RFX1: variants seen among roughly 807,000 people sequenced by gnomAD.
RFX1 encodes the protein regulatory factor X1.
In RFX1, 42 loss-of-function variants were observed where a neutral mutation model predicts 119.6. The ratio of observed to expected loss-of-function variants is 0.35; its 90% confidence interval spans 0.27 to 0.45. RFX1 has a LOEUF of 0.45. Ranked by LOEUF, RFX1 falls within the 20% of genes least tolerant of loss-of-function variation. The pLI is 1.00. For missense variants in RFX1, 1,118 were observed against 1,368.1 expected, an observed-to-expected ratio of 0.82 and a Z score of 2.88; for synonymous variants, 628 against 618.5, an observed-to-expected ratio of 1.02 and a Z score of -0.23.
In RFX1 at chr19:13,963,934, C is replaced by T. The variant is rs1407974879; in HGVS notation, c.2285G>A (p.Arg762His). 9 of 1,546,772 alleles carry T rather than the reference C, an allele frequency of 5.8e-6. No individual in the cohort carries two copies. Among genetic ancestry groups the T allele is most frequent in the Non-Finnish European group, 7.8e-6 (9 of 1,147,652 alleles). The part of the protein sequence containing the change: ...TSLNHLAQAA[R>H]AVLQNTAQIN... ...CTGTGCGGTGTTCTGCAGCACAGCG[C>T]GCGCCGCCTGCGCCAGGTGGTTGAG... The change falls in exon 17 of 21, where the codon CGC (arginine) becomes CAC (histidine). Residue 762 changes from arginine (R) to histidine (H), a missense_variant. By Grantham distance (29) the Arg-to-His change is conservative. This residue lies in a region of RFX1 where 338 missense variants were observed against 508.9 expected (regional missense o/e 0.66). Coordinates refer to ENST00000254325, the MANE Select transcript of RFX1 (RefSeq NM_002918.5).
chr19:13,973,272 C>G, intron 8 of RFX1, 145 bp from the exon 9 acceptor site: 1 of 651,470 alleles, frequency 1.5e-6, no homozygotes, highest in Non-Finnish European at 2.7e-6. Flanking sequence ...TAGCATTCAT[C>G]TACAACGGAC....
rs1353489231 is a variant in RFX1 at position 14,006,105 on chromosome 19, C to T, written c.-55G>A. 6.6e-6 allele frequency: 1 copy of T among 152,542 alleles called. No individual in the cohort carries two copies. Among genetic ancestry groups the T allele is most frequent in the African/African-American group, 2.4e-5 (1 of 41,572 alleles). 9.4% of individuals were successfully genotyped at this position (152,542 alleles called of 1,614,324 possible). A position where few individuals can be genotyped will look rare whatever the true frequency, so the allele number is the denominator to read the frequency against. Reference sequence around the variant, plus strand: ...CACCCCGGGGCCGCCCTGGTTACCTCCGCTTCTCCCCACTTCTGTCTGCGG... The same window carrying T: ...CACCCCGGGGCCGCCCTGGTTACCTTCGCTTCTCCCCACTTCTGTCTGCGG... On this transcript the variant is annotated splice_region_variant and 5_prime_UTR_variant, in exon 1 of 21. Coordinates refer to ENST00000254325, the MANE Select transcript of RFX1 (RefSeq NM_002918.5).
chr19:13,979,313 A>C, intron 7 of RFX1, 134 bp downstream of exon 7: 1 of 531,934 alleles, frequency 1.9e-6, no homozygotes. Flanking sequence ...GGGGCCGGGA[A>C]AGGGGAAGGA....
Position 13,972,793 on chromosome 19 carries a change from C to T in RFX1, c.1264G>A (p.Gly422Ser), listed in dbSNP as rs756623062. 1.9e-6 allele frequency: 3 copies of T among 1,608,812 alleles called. No individual in the cohort carries two copies. The highest frequency in any genetic ancestry group is 2.2e-5 in the East Asian group (1 of 44,754). Residue 422 changes from glycine (G) to serine (S), a missense_variant, in exon 9 of 21, where the codon GGC becomes AGC. Coordinates refer to ENST00000254325, the MANE Select transcript of RFX1 (RefSeq NM_002918.5). Reference sequence around the variant, plus strand: ...TGAGAGTAAGACTGGCTGGCACTGCCCAGCATGTAGCCGCCTTGGATCACG... The same window carrying T: ...TGAGAGTAAGACTGGCTGGCACTGCTCAGCATGTAGCCGCCTTGGATCACG... ...TYVIQGGYMLGSASQSYSHTT... is the reference protein window; with the variant it reads ...TYVIQGGYMLSSASQSYSHTT...
Position 13,972,879 on chromosome 19 carries a change from C to T in RFX1, c.1178G>A (p.Gly393Glu). The change falls in exon 9 of 21, where the codon GGA (glycine) becomes GAA (glutamate). Residue 393 changes from glycine (G) to glutamate (E), a missense_variant. Transcript: ENST00000254325. The stretch of plus-strand genomic sequence containing the variant: ...GCCACTGCCACCCCCGCCACCGCCT[C>T]CCCCGCCGCCGCCGCCACCACCACT... ...GGSGGGGGGG[G>E]GGGGGGSGST... The T allele has an allele frequency of 1.9e-6, 3 of 1,560,172 alleles. No individual in the cohort carries two copies. Among genetic ancestry groups the T allele is most frequent in the Non-Finnish European group, 1.7e-6 (2 of 1,158,470 alleles).
Position 13,963,289 on chromosome 19 carries a change from C to T in RFX1, c.2571-14G>A. On this transcript the variant is annotated splice_polypyrimidine_tract_variant and intron_variant, in intron 18 of 20. Coordinates refer to ENST00000254325, the MANE Select transcript of RFX1 (RefSeq NM_002918.5). ...ATCACCATGGAGCTGGGGATGGAGA[C>T]GGAGAGGAGACCGTCAGGCCCCGTC... is the stretch of plus-strand genomic sequence containing the variant. 6.2e-7 allele frequency: 1 copy of T among 1,603,952 alleles called. No homozygotes were observed. Among genetic ancestry groups the T allele is most frequent in the Non-Finnish European group, 8.5e-7 (1 of 1,177,774 alleles).
At position 13,994,900 on chromosome 19, in the gene RFX1, A is replaced by G. The variant is rs1344742519; in HGVS notation, c.-52-1005T>C. ...TATATTGAAATATACATACATATAT[A>G]TATATATATATATATATATATATAT... On this transcript the variant is annotated intron_variant, in intron 1 of 20. Transcript: ENST00000254325. Among the ~76,000 whole-genome samples the G allele has an allele frequency of 1.8e-4, 8 of 44,576 alleles. No homozygotes were observed. In the East Asian group the frequency reaches 4.6e-3, roughly 26 times the overall value. The allele number at this position is 44,576 out of a possible 152,430, so 29.2% of individuals were successfully genotyped here.
chr19:13,993,863 A>C lies in RFX1; in HGVS notation c.-20T>G, dbSNP rs376882269. On this transcript the variant is annotated 5_prime_UTR_variant, in exon 2 of 21. Transcript: ENST00000254325. ...TGCCATGCCAACGGTGGGGAAAATG[A>C]TAATAAATAAGGCTTTTTTTTTTTT... 6.7e-7 allele frequency: 1 copy of C among 1,500,696 alleles called. No homozygotes were observed. Among genetic ancestry groups the C allele is most frequent in the East Asian group, 2.5e-5 (1 of 39,620 alleles). The allele number at this position is 1,500,696 out of a possible 1,614,324, so 93.0% of individuals were successfully genotyped here. A position where few individuals can be genotyped will look rare whatever the true frequency, so the allele number is the denominator to read the frequency against.
chr19:13,974,565 G>A (rs1974196909), intron 8 of RFX1, among the ~76,000 whole-genome samples: 1 of 152,190 alleles, frequency 6.6e-6, no homozygotes, highest in African/African-American at 2.4e-5. Context: ...AAGAGGCAGA[G>A]AAGAGTGGGG....
At chr19:13,984,310 G>C (rs1339245516) in intron 2 of RFX1, among the ~76,000 whole-genome samples, 2 of 151,686 alleles carry the variant, frequency 1.3e-5, no homozygotes, top group African/African-American at 4.8e-5. Flanking sequence ...ACAGCAGGGT[G>C]TGCAGGTGGC....
At chr19:13,983,298 GCTGCCACTTCCCCCAGGGA>G (rs1974488495) in intron 3 of RFX1, 28 bp from the exon 4 acceptor site, 1 of 1,522,272 alleles carries the variant, frequency 6.6e-7, no homozygotes, top group African/African-American at 1.4e-5. Flanking sequence ...GAGGAGCTGA[GCTGCCACTTCCCCCAGGGA>G]GGCCTGGCGT....
rs546107056 is a variant in RFX1 at position 13,969,319 on chromosome 19, A to G, written c.1497-425T>C. Among the ~76,000 whole-genome samples the G allele has an allele frequency of 6.6e-6, 1 of 152,158 alleles. No homozygotes were observed. The highest frequency in any genetic ancestry group is 1.5e-5 in the Non-Finnish European group (1 of 68,034). On this transcript the variant is annotated intron_variant, in intron 10 of 20. Coordinates refer to ENST00000254325, the MANE Select transcript of RFX1 (RefSeq NM_002918.5). The surrounding 1 kb of genome is among the most constrained non-coding windows in gnomAD (Gnocchi z 4.5). ...AACCCCGCGTCATCGAGGTACGAGC[A>G]CTGCAGACGGACCAGAACAACTGAA...
At chr19:13,991,860 C>A (rs1568478708) in intron 2 of RFX1, among the ~76,000 whole-genome samples, 1 of 152,086 alleles carries the variant, frequency 6.6e-6, no homozygotes, top group Non-Finnish European at 1.5e-5. Flanking sequence ...TGGGGTCTCA[C>A]CATGTTGGCC....
intron 2 of RFX1, among the ~76,000 whole-genome samples, chr19:13,988,229 G>A (rs1307116074): frequency 6.6e-6 from 1 of 152,062 alleles, no homozygotes; most frequent in Non-Finnish European, 1.5e-5. Context: ...GTTTCATCAT[G>A]TTGGCCAGGC....
chr19:13,980,731 T>TGCATCCTCTCTTGGGTGGGCTC lies in RFX1; in HGVS notation c.622-43_622-42insGAGCCCACCCAAGAGAGGATGC. ...CACAGGAGTGCCGCTGGGGTGGGCT[T>TGCATCCTCTCTTGGGTGGGCTC]GCATCCTCTCTGAGGTGGGCTCACA... On this transcript the variant is annotated intron_variant, in intron 5 of 20. Transcript: ENST00000254325. The surrounding 1 kb of genome is among the most constrained non-coding windows in gnomAD (Gnocchi z 5.1). The TGCATCCTCTCTTGGGTGGGCTC allele has an allele frequency of 3.3e-6, 4 of 1,201,550 alleles. No homozygotes were observed. The highest frequency in any genetic ancestry group is 4.7e-6 in the Non-Finnish European group (4 of 842,372). The allele number at this position is 1,201,550 out of a possible 1,614,324, so 74.4% of individuals were successfully genotyped here.
Position 13,980,810 on chromosome 19 carries a change from TATCCCAACC to T in RFX1, c.622-130_622-122del. 1.7e-6 allele frequency: 1 copy of T among 595,972 alleles called. No homozygotes were observed. The highest frequency in any genetic ancestry group is 2.1e-5 in the South Asian group (1 of 48,642). 36.9% of individuals were successfully genotyped at this position (595,972 alleles called of 1,614,324 possible). A position where few individuals can be genotyped will look rare whatever the true frequency, so the allele number is the denominator to read the frequency against. ...GGGAGGGCGGCAGTCTGTGGGGACC[TATCCCAACC>T]ACCGAGGCTGGTAACTGACCGCGTC... On this transcript the variant is annotated intron_variant, in intron 5 of 20. Transcript: ENST00000254325. The surrounding 1 kb of genome is among the most constrained non-coding windows in gnomAD (Gnocchi z 5.1).
Position 13,983,751 on chromosome 19 carries a change from AC to A in RFX1, c.320-157del, listed in dbSNP as rs530142426. Reference sequence around the variant, plus strand: ...CTTCCCCCTGGCCAGCCCTGACTGCACCCATCAGGGGCCCACGTGGCAGAGC... The same window carrying A: ...CTTCCCCCTGGCCAGCCCTGACTGCACCATCAGGGGCCCACGTGGCAGAGC... On this transcript the variant is annotated intron_variant, in intron 2 of 20. Coordinates refer to ENST00000254325, the MANE Select transcript of RFX1 (RefSeq NM_002918.5). 3.8e-3 allele frequency among the ~76,000 whole-genome samples: 586 copies of A among 152,218 alleles called. 3 individuals are homozygous for A. Among genetic ancestry groups the A allele is most frequent in the African/African-American group, 0.013 (556 of 41,538 alleles).
chr19:13,988,590 G>A (rs1974691271), intron 2 of RFX1, among the ~76,000 whole-genome samples: 1 of 152,204 alleles, frequency 6.6e-6, no homozygotes, highest in Admixed American at 6.5e-5. Flanking sequence ...TGATGGCTGT[G>A]CTAGGTGCTC....
rs1310541641 is a variant in RFX1, at chr19:13,969,139, G to A, written c.1497-245C>T. On this transcript the variant is annotated intron_variant, in intron 10 of 20. Coordinates refer to ENST00000254325, the MANE Select transcript of RFX1 (RefSeq NM_002918.5). The surrounding 1 kb of genome is among the most constrained non-coding windows in gnomAD (Gnocchi z 4.5). ...TGGATGAATGGCTGAACGAGGTGACGCTGAAGCTGGGAATGGGAACCGAGA... is the reference window on the plus strand; with the variant it reads ...TGGATGAATGGCTGAACGAGGTGACACTGAAGCTGGGAATGGGAACCGAGA... Among the ~76,000 whole-genome samples, 1 of 152,194 alleles carries A rather than the reference G, an allele frequency of 6.6e-6. No homozygotes were observed. The highest frequency in any genetic ancestry group is 1.5e-5 in the Non-Finnish European group (1 of 68,040).
Sources: allele counts gnomAD v4.1 joint callset (sites outside exome capture counted in the v4.1 genomes callset), GRCh38; gene constraint gnomAD v4.1.1; regional missense constraint gnomAD v4.1.1; non-coding constraint Gnocchi (gnomAD v3.1); transcripts MANE v1.5; gene names NCBI Gene and HGNC (gene_info 2026-07-23, HGNC 2026-07-21).